The following MYO16 variants were observed in gnomAD, a reference collection of about 807,000 sequenced individuals.
The protein encoded by MYO16 is unconventional myosin-XVI.
In MYO16, 94 loss-of-function variants were observed where a neutral mutation model predicts 205.3. The ratio of observed to expected loss-of-function variants is 0.46; its 90% CI spans 0.39 to 0.54. The LOEUF (loss-of-function observed/expected upper bound fraction) is 0.54. MYO16 is among the 20% of genes least tolerant of loss of function. The pLI is 0.00. For missense variants in MYO16, 2,315 were observed against 2,387.5 expected, an observed-to-expected ratio of 0.97 and a Z score of 0.63; for synonymous variants, 988 against 954.0, an observed-to-expected ratio of 1.04 and a Z score of -0.66.
At chr13:108,627,515 CA>C (rs1039285842), upstream of MYO16, among the ~76,000 whole-genome samples, 10 of 152,166 alleles carry the variant, frequency 6.6e-5, no homozygotes, top group African/African-American at 1.7e-4. Flanking sequence ...ACTTTGAGGT[CA>C]GGGAGTCAAG....
chr13:109,063,491 A>G (rs1008040780), intron 27 of MYO16, among the ~76,000 whole-genome samples: 2 of 152,148 alleles, frequency 1.3e-5, no homozygotes, highest in Non-Finnish European at 2.9e-5. Flanking sequence ...GTAAATTCAT[A>G]TGTGACTTCA....
chr13:108,572,580 C>A, the MYO16 span, among the ~76,000 whole-genome samples: 7 of 152,166 alleles, frequency 4.6e-5, no homozygotes, highest in Non-Finnish European at 2.9e-5. Context: ...GAAGACAGTG[C>A]GTTCTATATT....
At chr13:108,529,948 G>C in the MYO16 span, among the ~76,000 whole-genome samples, 1 of 152,112 alleles carries the variant, frequency 6.6e-6, no homozygotes, top group Non-Finnish European at 1.5e-5. Flanking sequence ...ATATTTATTT[G>C]ATTTCTCTCT....
intron 1 of MYO16, among the ~76,000 whole-genome samples, chr13:108,624,026 G>A (rs999051814): frequency 6.6e-6 from 1 of 152,136 alleles, no homozygotes; most frequent in African/African-American, 2.4e-5. Context: ...GTAACTTAGT[G>A]TGATTAAATT....
intron 21 of MYO16, among the ~76,000 whole-genome samples, chr13:108,998,034 C>T (rs565536800): frequency 4.7e-4 from 72 of 152,260 alleles, no homozygotes; most frequent in South Asian, 1.0e-3. Context: ...AATTGAGATA[C>T]TTTGACTTCT....
At chr13:109,131,538 T>A (rs1876539687) in intron 31 of MYO16, among the ~76,000 whole-genome samples, 1 of 152,158 alleles carries the variant, frequency 6.6e-6, no homozygotes, top group Non-Finnish European at 1.5e-5. Context: ...TTTTTTTTTA[T>A]TATACTTTAA....
chr13:108,615,606 G>A lies in MYO16; in HGVS notation c.-39+19367G>A, dbSNP rs1231237063. The stretch of plus-strand genomic sequence containing the variant: ...AATGTGGTATACCCATTGCAATTGA[G>A]TATTATTCAATATAAAAAGGAAGGA... On this transcript the variant is annotated intron_variant, in intron 1 of 24. Coordinates refer to the MYO16 transcript ENST00000251041. Among the ~76,000 whole-genome samples, 4 of 152,184 alleles carry A rather than the reference G, an allele frequency of 2.6e-5. No individual in the cohort carries two copies. In the South Asian group the frequency reaches 6.2e-4, roughly 24 times the overall value.
At position 109,078,167 on chromosome 13, in the gene MYO16, C is replaced by T. The variant is rs368028153; in HGVS notation, c.3335+22572C>T. ...TCTTTAGGCTAGGTGCAGTGGCTCA[C>T]GCCTGTAATCCTAGCATTTTGGAAG... On this transcript the variant is annotated intron_variant, in intron 27 of 34. Transcript: ENST00000457511. 4.0e-5 allele frequency among the ~76,000 whole-genome samples: 6 copies of T among 151,658 alleles called. No individual in the cohort carries two copies. The East Asian group carries it at 5.9e-4, about 15-fold the overall frequency.
chr13:108,606,888 G>A (rs1878980419), intron 1 of MYO16, among the ~76,000 whole-genome samples: 1 of 152,242 alleles, frequency 6.6e-6, no homozygotes, highest in African/African-American at 2.4e-5. Flanking sequence ...CAGGGGTGGA[G>A]CAGCCCAAGG....
At chr13:109,169,571 TACAA>T (rs1333939855) in intron 33 of MYO16, among the ~76,000 whole-genome samples, 1 of 151,416 alleles carries the variant, frequency 6.6e-6, no homozygotes, top group South Asian at 2.1e-4. Context: ...AAGAGAATAT[TACAA>T]ACAGTTTTAC....
chr13:108,955,624 G>A (rs1375201440), intron 16 of MYO16, among the ~76,000 whole-genome samples: 5 of 152,202 alleles, frequency 3.3e-5, no homozygotes, highest in Non-Finnish European at 5.9e-5. Flanking sequence ...GAAGGCCAAG[G>A]CGGGTGGATC....
rs754861573 is a variant in MYO16, at chr13:108,964,892, G to A, written c.2359G>A (p.Glu787Lys). 6.3e-7 allele frequency: 1 copy of A among 1,596,784 alleles called. No individual in the cohort carries two copies. The highest frequency in any genetic ancestry group is 8.6e-7 in the Non-Finnish European group (1 of 1,169,242). The change falls in exon 20 of 35, where the codon GAA becomes AAA. Residue 787 changes from glutamate to lysine, a missense_variant. Around this residue, in one of 3 missense-constraint regions of MYO16, gnomAD observed 1,213 missense variants for 1,274.4 expected, o/e 0.95. Transcript: ENST00000457511. ...GAATTCTTGCCTCCACAGTCAAGAT[G>A]AACAGAAAAGGTAGGAGTTGATGGA... ...TMNSCLHSQD[E>K]QKSMQTLDIG... is the part of the protein sequence containing the mutation.
intron 1 of MYO16, among the ~76,000 whole-genome samples, chr13:108,652,152 T>TGC (rs747039794): frequency 2.7e-5 from 4 of 147,404 alleles, no homozygotes; most frequent in Non-Finnish European, 4.6e-5. Flanking sequence ...TGTGTGTGTG[T>TGC]GTGCGCGCGC....
chr13:109,054,994 C>T, intron 25 of MYO16, 52 bp from the exon 26 acceptor site: 1 of 1,215,978 alleles, frequency 8.2e-7, no homozygotes, highest in Non-Finnish European at 1.2e-6. Context: ...TCTTCCTTTC[C>T]TTTCCTTTCC....
intron 16 of MYO16, among the ~76,000 whole-genome samples, chr13:108,923,203 G>A (rs1476338625): frequency 6.6e-6 from 1 of 152,238 alleles, no homozygotes; most frequent in African/African-American, 2.4e-5. Flanking sequence ...AGACCTGGGG[G>A]CTGCGTGTAT....
rs2139481650 is a variant in MYO16, at chr13:109,009,040, T to C, written c.2586T>C (p.Phe862=). ...SPGNQNGVLD[F]FFQKPSGFLT... is the part of the protein sequence containing the mutation. ...GTAACCAGAATGGAGTTTTGGACTT[T>C]TTTTTCCAGGTATTCATATAATATA... Residue 862 remains phenylalanine (F), a synonymous_variant, in exon 22 of 35, where the codon TTT becomes TTC. Transcript: ENST00000457511. 6.3e-7 allele frequency: 1 copy of C among 1,588,752 alleles called. No individual in the cohort carries two copies. Among genetic ancestry groups the C allele is most frequent in the East Asian group, 2.2e-5 (1 of 44,552 alleles).
chr13:108,631,617 T>C (rs571676697), intron 1 of MYO16, among the ~76,000 whole-genome samples: 1 of 152,252 alleles, frequency 6.6e-6, no homozygotes, highest in East Asian at 1.9e-4. Flanking sequence ...AGTGTGACAG[T>C]CTATAAAATG....
intron 20 of MYO16, among the ~76,000 whole-genome samples, chr13:108,967,705 CA>C (rs1594433534): frequency 6.6e-6 from 1 of 152,136 alleles, no homozygotes; most frequent in Admixed American, 6.5e-5. Context: ...AAAAAAATAG[CA>C]ATAATATAAT....
chr13:109,107,094 T>A (rs1334723543), intron 28 of MYO16, among the ~76,000 whole-genome samples: 1 of 152,160 alleles, frequency 6.6e-6, no homozygotes, highest in Non-Finnish European at 1.5e-5. Flanking sequence ...CATGATACGA[T>A]ACTTACTCTA....
Sources: allele counts gnomAD v4.1 joint callset (sites outside exome capture counted in the v4.1 genomes callset), GRCh38; gene constraint gnomAD v4.1.1; regional missense constraint gnomAD v4.1.1; transcripts MANE v1.5; gene names NCBI Gene and HGNC (gene_info 2026-07-23, HGNC 2026-07-21).